SIMC1: variants seen among roughly 807,000 people sequenced by gnomAD.
SIMC1 encodes the protein SUMO-interacting motif-containing protein 1.
A neutral mutation model predicts 82.3 loss-of-function variants in SIMC1; 55 were observed. That is an observed-to-expected ratio of 0.67 (90% CI 0.54 to 0.84). The LOEUF (loss-of-function observed/expected upper bound fraction) is 0.84. Ranked by LOEUF, SIMC1 falls within the 40% of genes least tolerant of loss-of-function variation. The pLI is 0.00. For synonymous variants in SIMC1, 353 were observed against 426.3 expected, an observed-to-expected ratio of 0.83 and a Z score of 2.12; for missense variants, 915 against 1,107.2, an observed-to-expected ratio of 0.83 and a Z score of 2.46.
intron 2 of SIMC1, among the ~76,000 whole-genome samples, chr5:176,294,680 C>T (rs565407993): frequency 2.6e-5 from 4 of 151,508 alleles, no homozygotes; most frequent in African/African-American, 4.8e-5. Context: ...ATAGAAATCC[C>T]GGCTCGGCGC....
intron 2 of SIMC1, among the ~76,000 whole-genome samples, chr5:176,291,289 T>C (rs1250331788): frequency 6.8e-6 from 1 of 147,108 alleles, no homozygotes; most frequent in Non-Finnish European, 1.5e-5. Flanking sequence ...TCAGCCTCCC[T>C]AGCAGCTGGG....
At chr5:176,266,483 G>A (rs938392451) in intron 1 of SIMC1, among the ~76,000 whole-genome samples, 4 of 151,698 alleles carry the variant, frequency 2.6e-5, no homozygotes, top group African/African-American at 9.7e-5. Context: ...TAAGAACAAA[G>A]ATATCAGTAC....
chr5:176,341,642 C>A (rs1161425079), intron 9 of SIMC1, among the ~76,000 whole-genome samples: 1 of 152,150 alleles, frequency 6.6e-6, no homozygotes, highest in Admixed American at 6.5e-5. Flanking sequence ...TCTTAAGTGA[C>A]TGAGTCTGAA....
chr5:176,342,972 AAAT>A (rs1766217137), intron 9 of SIMC1, among the ~76,000 whole-genome samples: 1 of 152,180 alleles, frequency 6.6e-6, no homozygotes, highest in Non-Finnish European at 1.5e-5. Flanking sequence ...GGTGCTCAGT[AAAT>A]GTGTGCTGTT....
At chr5:176,329,533 T>A (rs1581322575) in intron 7 of SIMC1, among the ~76,000 whole-genome samples, 7 of 148,680 alleles carry the variant, frequency 4.7e-5, no homozygotes, top group Admixed American at 4.7e-4. Context: ...AGCTATTCCA[T>A]CATCACAAGG....
intron 2 of SIMC1, 84 bp from the exon 3 acceptor site, chr5:176,294,946 C>G: frequency 7.1e-7 from 1 of 1,414,324 alleles, no homozygotes; most frequent in Non-Finnish European, 9.1e-7. Context: ...GCCTGGGGAA[C>G]AGAGCAAGAC....
Position 176,345,465 on chromosome 5 carries a change from T to C in SIMC1, c.*20T>C. 1 of 1,600,086 alleles carries C rather than the reference T, an allele frequency of 6.2e-7. No homozygotes were observed. The highest frequency in any genetic ancestry group is 8.5e-7 in the Non-Finnish European group (1 of 1,172,958). ...TCCTGAGGGCCTGCCAAGCACTGAA[T>C]GCCAAGAATACCTCCTGAACTCTCT... On this transcript the variant is annotated 3_prime_UTR_variant, in exon 10 of 10. Coordinates refer to ENST00000429602, the MANE Select transcript of SIMC1 (RefSeq NM_001308195.2).
chr5:176,286,397 T>A (rs1763285610), intron 1 of SIMC1, among the ~76,000 whole-genome samples: 1 of 152,280 alleles, frequency 6.6e-6, no homozygotes, highest in African/African-American at 2.4e-5. Flanking sequence ...AAGGATTCCC[T>A]ATTTAATAAA....
chr5:176,312,193 C>T (rs1404624653), intron 4 of SIMC1, among the ~76,000 whole-genome samples: 1 of 152,154 alleles, frequency 6.6e-6, no homozygotes, highest in East Asian at 1.9e-4. Context: ...CTGGAGAACA[C>T]AAGTAGTGGT....
At chr5:176,291,766 C>T (rs1763586229) in intron 2 of SIMC1, among the ~76,000 whole-genome samples, 1 of 152,236 alleles carries the variant, frequency 6.6e-6, no homozygotes, top group African/African-American at 2.4e-5. Context: ...GCATGAGCCA[C>T]CGCGCCCAGC....
At chr5:176,339,099 C>G (rs1218202037) in intron 9 of SIMC1, among the ~76,000 whole-genome samples, 3 of 152,184 alleles carry the variant, frequency 2.0e-5, no homozygotes, top group African/African-American at 4.8e-5. Flanking sequence ...CATGGTGGCT[C>G]ACGCCTGTAA....
chr5:176,274,591 C>A (rs987460504), intron 1 of SIMC1, among the ~76,000 whole-genome samples: 1 of 151,828 alleles, frequency 6.6e-6, no homozygotes, highest in African/African-American at 2.4e-5. Context: ...TTGCCTATGT[C>A]CTGAATGGTA....
At chr5:176,272,198 AGGTGGGC>A (rs1762471955) in intron 1 of SIMC1, among the ~76,000 whole-genome samples, 1 of 116,860 alleles carries the variant, frequency 8.6e-6, no homozygotes, top group Admixed American at 9.6e-5. Context: ...AAAAAAAAAA[AGGTGGGC>A]ATGGTGGAAC....
intron 1 of SIMC1, among the ~76,000 whole-genome samples, chr5:176,250,635 C>T (rs371838151): frequency 1.5e-4 from 23 of 152,250 alleles, no homozygotes; most frequent in African/African-American, 5.1e-4. Flanking sequence ...CTTTATGAAT[C>T]GGGATGCTCC....
intron 4 of SIMC1, among the ~76,000 whole-genome samples, chr5:176,306,722 G>C (rs914102092): frequency 6.0e-5 from 9 of 150,836 alleles, no homozygotes; most frequent in Admixed American, 2.6e-4. Context: ...CAGCATGCTC[G>C]TTAAGAGTCA....
chr5:176,295,285 G>T, intron 3 of SIMC1, 23 bp downstream of exon 3: 1 of 1,590,462 alleles, frequency 6.3e-7, no homozygotes, highest in Non-Finnish European at 8.6e-7. Flanking sequence ...ACCTCTGGCT[G>T]TTGGCGAATC....
At chr5:176,325,421 C>T (rs370742409) in intron 7 of SIMC1, among the ~76,000 whole-genome samples, 56 of 149,532 alleles carry the variant, frequency 3.7e-4, no homozygotes, top group Non-Finnish European at 5.5e-4. Flanking sequence ...TGTGGTGGCT[C>T]ACACCTGTAA....
At chr5:176,276,419 A>C (rs1165543149) in intron 1 of SIMC1, among the ~76,000 whole-genome samples, 1 of 149,760 alleles carries the variant, frequency 6.7e-6, no homozygotes, top group Admixed American at 6.7e-5. Flanking sequence ...CTTTCAAAAA[A>C]CCAGATCCTG....
At chr5:176,337,041 T>C (rs1339755481) in intron 8 of SIMC1, 21 bp from the exon 9 acceptor site, 1 of 1,612,286 alleles carries the variant, frequency 6.2e-7, no homozygotes, top group South Asian at 1.1e-5. Context: ...TTATTATCAA[T>C]CCATTTTACT....
Sources: gnomAD v4.1 joint callset for allele counts (sites outside exome capture counted in the v4.1 genomes callset) on GRCh38, gnomAD v4.1.1 for gene constraint, MANE v1.5 for transcripts, NCBI Gene and HGNC (gene_info 2026-07-23, HGNC 2026-07-21) for gene names.